The following SMOC2 variants were observed in gnomAD, a reference collection of about 807,000 sequenced individuals.
The protein encoded by SMOC2 is SPARC-related modular calcium-binding protein 2.
A neutral mutation model predicts 61.4 loss-of-function variants in SMOC2; 39 were observed. The ratio of observed to expected loss-of-function variants is 0.64; its 90% CI spans 0.49 to 0.83. The LOEUF (loss-of-function observed/expected upper bound fraction) is 0.83. Ranked by LOEUF, SMOC2 falls within the 40% of genes least tolerant of loss-of-function variation. The probability of loss-of-function intolerance (pLI) is 0.00; values close to 1 mark genes in which losing one functional copy is unlikely to be tolerated. For synonymous variants in SMOC2, 247 were observed against 239.9 expected (o/e 1.03, Z -0.27); for missense variants, 556 against 592.9 (o/e 0.94, Z 0.65).
chr6:168,454,891 G>A (rs896193917), intron 1 of SMOC2, among the ~76,000 whole-genome samples: 5 of 152,126 alleles, frequency 3.3e-5, no homozygotes, highest in Non-Finnish European at 2.9e-5. Flanking sequence ...TCCTGTGGCC[G>A]GGGTCCCTGT....
chr6:168,448,669 T>A (rs1781392127), intron 1 of SMOC2, among the ~76,000 whole-genome samples: 1 of 152,060 alleles, frequency 6.6e-6, no homozygotes, highest in Admixed American at 6.6e-5. Flanking sequence ...CTACCCTGTC[T>A]CCACTGAGGC....
At chr6:168,560,579 G>A (rs1202574735) in intron 7 of SMOC2, among the ~76,000 whole-genome samples, 3 of 108,058 alleles carry the variant, frequency 2.8e-5, no homozygotes, top group African/African-American at 3.9e-5. Flanking sequence ...TGCATTCTTG[G>A]AGGAGGTGTC....
At chr6:168,659,510 G>GGAGGTTGTAGTATGGGTGAGGGTA (rs1562410408) in intron 11 of SMOC2, among the ~76,000 whole-genome samples, 1 of 151,122 alleles carries the variant, frequency 6.6e-6, no homozygotes, top group African/African-American at 2.4e-5. Flanking sequence ...TGGTGAGGGT[G>GGAGGTTGTAGTATGGGTGAGGGTA]GAGGTTGTAG....
chr6:168,653,293 C>T, intron 11 of SMOC2, 65 bp downstream of exon 11: 1 of 1,536,250 alleles, frequency 6.5e-7, no homozygotes, highest in Admixed American at 2.1e-5. Context: ...AGGTCTGCTT[C>T]TCACAAACAC....
At chr6:168,457,770 C>T (rs1248068509) in intron 1 of SMOC2, among the ~76,000 whole-genome samples, 7 of 152,126 alleles carry the variant, frequency 4.6e-5, no homozygotes, top group Non-Finnish European at 7.4e-5. Context: ...AGGCCCAGCT[C>T]GGCGAAGGCC....
At chr6:168,566,597 C>T (rs1784547777) in intron 7 of SMOC2, among the ~76,000 whole-genome samples, 1 of 151,676 alleles carries the variant, frequency 6.6e-6, no homozygotes, top group African/African-American at 2.4e-5. Context: ...ATTCTCCTGC[C>T]TCAGCCTCCG....
intron 11 of SMOC2, among the ~76,000 whole-genome samples, chr6:168,660,265 C>G (rs1371030522): frequency 6.6e-6 from 1 of 152,126 alleles, no homozygotes; most frequent in Non-Finnish European, 1.5e-5. Flanking sequence ...TAGACAATCT[C>G]TTTGGAAGGT....
At chr6:168,474,355 G>T (rs191543963) in intron 1 of SMOC2, among the ~76,000 whole-genome samples, 15 of 152,144 alleles carry the variant, frequency 9.9e-5, no homozygotes, top group Non-Finnish European at 1.8e-4. Context: ...ACAGTGCCCC[G>T]CTCCTCCTTC....
At chr6:168,555,977 G>A (rs1260982965) in intron 7 of SMOC2, among the ~76,000 whole-genome samples, 2 of 152,172 alleles carry the variant, frequency 1.3e-5, no homozygotes, top group Non-Finnish European at 1.5e-5. Flanking sequence ...CGAGGTGGAC[G>A]CTGAAGTCAG....
intron 1 of SMOC2, among the ~76,000 whole-genome samples, chr6:168,454,372 T>A (rs1247059865): frequency 4.6e-5 from 7 of 152,048 alleles, no homozygotes; most frequent in Non-Finnish European, 1.0e-4. Flanking sequence ...TTTTTTTTGG[T>A]CACACATTTT....
At chr6:168,567,172 G>C (rs1322045006) in intron 7 of SMOC2, among the ~76,000 whole-genome samples, 1 of 152,056 alleles carries the variant, frequency 6.6e-6, no homozygotes, top group African/African-American at 2.4e-5. Flanking sequence ...TACTTTAATT[G>C]TATAAGTCAA....
At chr6:168,464,435 G>C (rs765822567) in intron 1 of SMOC2, among the ~76,000 whole-genome samples, 2 of 152,056 alleles carry the variant, frequency 1.3e-5, no homozygotes, top group African/African-American at 4.8e-5. Flanking sequence ...CAGCCTGTCC[G>C]GTGCCATTCC....
At chr6:168,613,301 G>A (rs1444792983) in intron 9 of SMOC2, among the ~76,000 whole-genome samples, 1 of 152,146 alleles carries the variant, frequency 6.6e-6, no homozygotes, top group Non-Finnish European at 1.5e-5. Flanking sequence ...GGTGAAAACA[G>A]CACTGTCTTT....
At chr6:168,577,065 C>T (rs1321798292) in intron 7 of SMOC2, among the ~76,000 whole-genome samples, 3 of 152,174 alleles carry the variant, frequency 2.0e-5, no homozygotes, top group African/African-American at 2.4e-5. Context: ...AAACTATGCA[C>T]GTTTCAAAAA....
At position 168,568,822 on chromosome 6, in the gene SMOC2, T is replaced by C. The variant is rs111637791; in HGVS notation, c.637+19619T>C. Among the ~76,000 whole-genome samples the C allele has an allele frequency of 3.1e-3, 477 of 152,316 alleles. 4 individuals carry two copies. Among genetic ancestry groups the C allele is most frequent in the African/African-American group, 0.01 (427 of 41,562 alleles). On this transcript the variant is annotated intron_variant, in intron 7 of 12. Coordinates refer to ENST00000356284, the MANE Select transcript of SMOC2 (RefSeq NM_001166412.2). The stretch of plus-strand genomic sequence containing the variant: ...GGCTTCCTTTGCTTACTAGTATTCG[T>C]TTAAGGTTCCTCTGTTACTAATATT...
intron 7 of SMOC2, among the ~76,000 whole-genome samples, chr6:168,578,231 G>A (rs1415160949): frequency 6.6e-6 from 1 of 152,198 alleles, no homozygotes; most frequent in Admixed American, 6.5e-5. Context: ...CTGTGAAGTG[G>A]GGGCAATGGG....
At chr6:168,490,766 A>G (rs1343523418) in intron 1 of SMOC2, among the ~76,000 whole-genome samples, 1 of 152,178 alleles carries the variant, frequency 6.6e-6, no homozygotes, top group Non-Finnish European at 1.5e-5. Flanking sequence ...CCTGTCTTCA[A>G]ATCCCTCCAT....
rs540074288 is a variant in SMOC2 at position 168,548,949 on chromosome 6, T to C, written c.563-180T>C. On this transcript the variant is annotated intron_variant, in intron 6 of 12. Coordinates refer to ENST00000356284, the MANE Select transcript of SMOC2 (RefSeq NM_001166412.2). ...AAGAATGCCAAAAATATTTTAAATG[T>C]ATATTATGATTTCCTTTCGTCTGAG... Among the ~76,000 whole-genome samples, 15 of 152,360 alleles carry C rather than the reference T, an allele frequency of 9.8e-5. No individual in the cohort carries two copies. In the South Asian group the frequency reaches 3.1e-3, roughly 32 times the overall value.
intron 4 of SMOC2, among the ~76,000 whole-genome samples, chr6:168,536,922 C>G (rs1783745249): frequency 6.6e-6 from 1 of 152,198 alleles, no homozygotes. Context: ...TTGTGTGTGT[C>G]TGAAGCCTAG....
Sources: gnomAD v4.1 joint callset for allele counts (sites outside exome capture counted in the v4.1 genomes callset) on GRCh38, gnomAD v4.1.1 for gene constraint, MANE v1.5 for transcripts, NCBI Gene and HGNC (gene_info 2026-07-23, HGNC 2026-07-21) for gene names.